Variants in KCNMB2 observed in about 807,000 individuals in gnomAD.
KCNMB2 encodes potassium calcium-activated channel subfamily M regulatory beta subunit 2.
Under a neutral mutation model 24.5 loss-of-function variants are expected in KCNMB2, and 9 were observed. The ratio of observed to expected loss-of-function variants is 0.37; its 90% confidence interval spans 0.22 to 0.64. KCNMB2 has a LOEUF of 0.64. KCNMB2 is among the 30% of genes least tolerant of loss of function. The pLI is 0.63. For missense variants in KCNMB2, 226 were observed against 284.3 expected, an observed-to-expected ratio of 0.79 and a Z score of 1.47; for synonymous variants, 109 against 104.4, an observed-to-expected ratio of 1.04 and a Z score of -0.27.
intron 1 of KCNMB2, among the ~76,000 whole-genome samples, chr3:178,555,282 G>T (rs1210499721): frequency 1.3e-5 from 2 of 152,172 alleles, no homozygotes; most frequent in African/African-American, 4.8e-5. Context: ...TTTCTTCCCT[G>T]TGCCGCCAGC....
chr3:178,567,495 TAACA>T (rs1387546083), intron 1 of KCNMB2, among the ~76,000 whole-genome samples: 1 of 152,056 alleles, frequency 6.6e-6, no homozygotes, highest in African/African-American at 2.4e-5. Context: ...CTGAAATCAC[TAACA>T]AACTTATTTA....
chr3:178,611,927 C>T (rs1484583452), intron 1 of KCNMB2, among the ~76,000 whole-genome samples: 1 of 152,040 alleles, frequency 6.6e-6, no homozygotes, highest in Non-Finnish European at 1.5e-5. Flanking sequence ...TTTGCTGTAT[C>T]CCATAGGTTT....
chr3:178,590,725 T>C (rs1717638773), intron 1 of KCNMB2, among the ~76,000 whole-genome samples: 2 of 152,190 alleles, frequency 1.3e-5, no homozygotes, highest in African/African-American at 2.4e-5. Context: ...CAGCTTGTAG[T>C]TGGAGAAAAC....
chr3:178,699,387 C>T (rs1722002218), intron 1 of KCNMB2, among the ~76,000 whole-genome samples: 1 of 152,188 alleles, frequency 6.6e-6, no homozygotes, highest in Non-Finnish European at 1.5e-5. Context: ...ATGCAAAACC[C>T]ACCTGTGAAG....
chr3:178,696,862 G>A (rs1459689571), intron 1 of KCNMB2, among the ~76,000 whole-genome samples: 1 of 60,178 alleles, frequency 1.7e-5, no homozygotes, highest in African/African-American at 8.7e-5. Context: ...TTACCAAATA[G>A]TAAACAATGA....
At chr3:178,688,966 G>A (rs143471882) in intron 1 of KCNMB2, among the ~76,000 whole-genome samples, 7 of 151,854 alleles carry the variant, frequency 4.6e-5, no homozygotes, top group Non-Finnish European at 1.0e-4. Flanking sequence ...ATACTCTTTG[G>A]GAATTAAAAC....
intron 1 of KCNMB2, among the ~76,000 whole-genome samples, chr3:178,566,081 A>G (rs1468085949): frequency 6.6e-6 from 1 of 152,182 alleles, no homozygotes; most frequent in East Asian, 1.9e-4. Flanking sequence ...AGATGGTTGA[A>G]CCAGATGTCC....
intron 1 of KCNMB2, among the ~76,000 whole-genome samples, chr3:178,676,737 CAG>C (rs1461078343): frequency 6.6e-6 from 1 of 152,148 alleles, no homozygotes; most frequent in Non-Finnish European, 1.5e-5. Context: ...CTTTAGGTAG[CAG>C]AGTCAATATA....
At chr3:178,597,547 T>G (rs188676031) in intron 1 of KCNMB2, among the ~76,000 whole-genome samples, 1 of 152,250 alleles carries the variant, frequency 6.6e-6, no homozygotes, top group Non-Finnish European at 1.5e-5. Flanking sequence ...AAGGTTTCAC[T>G]TGGGATAAAA....
At chr3:178,670,274 G>A (rs1260802355) in intron 1 of KCNMB2, among the ~76,000 whole-genome samples, 1 of 152,050 alleles carries the variant, frequency 6.6e-6, no homozygotes, top group African/African-American at 2.4e-5. Context: ...GCTGGCCTGT[G>A]CACTGTAGGA....
At chr3:178,562,723 T>C (rs1716369555) in intron 1 of KCNMB2, among the ~76,000 whole-genome samples, 1 of 152,202 alleles carries the variant, frequency 6.6e-6, no homozygotes, top group Admixed American at 6.5e-5. Context: ...ATTGCTATCA[T>C]CATAGCATGA....
intron 1 of KCNMB2, among the ~76,000 whole-genome samples, chr3:178,553,227 A>G (rs1448626709): frequency 6.6e-6 from 1 of 152,246 alleles, no homozygotes; most frequent in East Asian, 1.9e-4. Flanking sequence ...GAGGAAGGAA[A>G]CAGATTTCCC....
intron 1 of KCNMB2, among the ~76,000 whole-genome samples, chr3:178,787,484 T>A (rs979096312): frequency 2.0e-5 from 3 of 152,220 alleles, no homozygotes; most frequent in Admixed American, 6.5e-5. Flanking sequence ...TATACTGTTA[T>A]TATCACGCTA....
At chr3:178,783,624 A>AT (rs1254609821) in intron 1 of KCNMB2, among the ~76,000 whole-genome samples, 4 of 148,348 alleles carry the variant, frequency 2.7e-5, no homozygotes, top group Non-Finnish European at 6.0e-5. Flanking sequence ...AACGCTTGTG[A>AT]TTTTTGTACA....
intron 1 of KCNMB2, among the ~76,000 whole-genome samples, chr3:178,677,659 G>C (rs935377501): frequency 6.6e-6 from 1 of 152,172 alleles, no homozygotes. Flanking sequence ...CAAAAATCAC[G>C]AGGTTTTCAC....
chr3:178,554,648 T>C (rs1716065536), intron 1 of KCNMB2, among the ~76,000 whole-genome samples: 1 of 152,164 alleles, frequency 6.6e-6, no homozygotes, highest in African/African-American at 2.4e-5. Context: ...GCACTTATGC[T>C]TTTCCTTCCT....
At chr3:178,591,495 AGGAGGGAG>A (rs1205664552) in intron 1 of KCNMB2, among the ~76,000 whole-genome samples, 1 of 152,130 alleles carries the variant, frequency 6.6e-6, no homozygotes, top group Non-Finnish European at 1.5e-5. Context: ...CCTTCTCAGG[AGGAGGGAG>A]CACTCCCCGT....
chr3:178,775,399 A>T (rs1463143876), intron 1 of KCNMB2, among the ~76,000 whole-genome samples: 1 of 152,204 alleles, frequency 6.6e-6, no homozygotes, highest in Non-Finnish European at 1.5e-5. Flanking sequence ...TGTTTTAAAG[A>T]CAAAGAAAAG....
intron 1 of KCNMB2, among the ~76,000 whole-genome samples, chr3:178,796,836 A>C (rs1713564153): frequency 6.6e-6 from 1 of 152,128 alleles, no homozygotes; most frequent in African/African-American, 2.4e-5. Context: ...ATGCATCTCA[A>C]AGAACTAAAA....
Sources: gnomAD v4.1 joint callset for allele counts (sites outside exome capture counted in the v4.1 genomes callset) on GRCh38, gnomAD v4.1.1 for gene constraint, MANE v1.5 for transcripts, NCBI Gene and HGNC (gene_info 2026-07-23, HGNC 2026-07-21) for gene names.